TAFA1: variants seen among roughly 807,000 people sequenced by gnomAD.
The protein encoded by TAFA1 is TAFA chemokine like family member 1.
Under a neutral mutation model 18.5 loss-of-function variants are expected in TAFA1, and 4 were observed. That is an observed-to-expected ratio of 0.22 (90% confidence interval 0.11 to 0.49). The LOEUF is 0.49. Ranked by LOEUF, TAFA1 falls within the 20% of genes least tolerant of loss-of-function variation. The probability of loss-of-function intolerance (pLI) is 0.98; values close to 1 mark genes in which losing one functional copy is unlikely to be tolerated. For synonymous variants in TAFA1, 56 were observed against 55.2 expected (o/e 1.01, Z -0.06); for missense variants, 147 against 169.0 (o/e 0.87, Z 0.72).
chr3:68,122,015 G>A (rs867262808), intron 2 of TAFA1, among the ~76,000 whole-genome samples: 9 of 152,146 alleles, frequency 5.9e-5, no homozygotes, highest in African/African-American at 1.7e-4. Context: ...TAGGCCCTTC[G>A]TTGTATTGTT....
chr3:68,489,123 T>G (rs1205109209), intron 3 of TAFA1, among the ~76,000 whole-genome samples: 1 of 152,196 alleles, frequency 6.6e-6, no homozygotes, highest in Admixed American at 6.5e-5. Flanking sequence ...GAGTTGCAGT[T>G]TTTAACTCAT....
chr3:68,177,246 C>T (rs1462054473), intron 2 of TAFA1, among the ~76,000 whole-genome samples: 7 of 152,168 alleles, frequency 4.6e-5, no homozygotes, highest in Non-Finnish European at 8.8e-5. Context: ...CCAAGGCATG[C>T]TCCCTCGAAT....
chr3:68,429,142 T>C (rs2071115411), intron 3 of TAFA1, among the ~76,000 whole-genome samples: 1 of 151,884 alleles, frequency 6.6e-6, no homozygotes, highest in African/African-American at 2.4e-5. Context: ...CTTGGGCTCA[T>C]TCTGGATATT....
intron 2 of TAFA1, among the ~76,000 whole-genome samples, chr3:68,318,919 T>C (rs2068651179): frequency 6.6e-6 from 1 of 152,116 alleles, no homozygotes; most frequent in Admixed American, 6.6e-5. Context: ...AGAAACAGAA[T>C]TCATAACACT....
chr3:68,426,313 G>T (rs1489597344), intron 3 of TAFA1, among the ~76,000 whole-genome samples: 2 of 151,590 alleles, frequency 1.3e-5, no homozygotes, highest in Non-Finnish European at 2.9e-5. Context: ...ATTGCCAGAG[G>T]AAATTATCCT....
chr3:68,370,905 T>C (rs1203596544), intron 2 of TAFA1, among the ~76,000 whole-genome samples: 2 of 151,868 alleles, frequency 1.3e-5, no homozygotes, highest in African/African-American at 4.8e-5. Context: ...GAAGATATTT[T>C]GGGGTATAAT....
At chr3:68,002,639 T>C (rs956681611), upstream of TAFA1, among the ~76,000 whole-genome samples, 5 of 152,250 alleles carry the variant, frequency 3.3e-5, no homozygotes, top group African/African-American at 9.6e-5. Flanking sequence ...ACTATCTTAA[T>C]GTTAAAGAAA....
intron 2 of TAFA1, among the ~76,000 whole-genome samples, chr3:68,071,975 A>G (rs2064760824): frequency 6.6e-6 from 1 of 152,188 alleles, no homozygotes. Context: ...TTAGACATAA[A>G]ATTTGGGTAA....
At chr3:68,145,302 A>T (rs2065725046) in intron 2 of TAFA1, 3 of 790,746 alleles carry the variant, frequency 3.8e-6, no homozygotes, top group Non-Finnish European at 7.0e-6. Context: ...CAGTGGTCTG[A>T]GACAGTCCAG....
At chr3:68,116,308 C>T (rs1217665240) in intron 2 of TAFA1, among the ~76,000 whole-genome samples, 2 of 151,994 alleles carry the variant, frequency 1.3e-5, no homozygotes, top group African/African-American at 4.8e-5. Flanking sequence ...CTGAGAAATC[C>T]TTAAAGATTA....
intron 2 of TAFA1, among the ~76,000 whole-genome samples, chr3:68,211,307 C>G (rs1247414690): frequency 1.3e-5 from 2 of 152,036 alleles, no homozygotes; most frequent in Non-Finnish European, 2.9e-5. Context: ...TTTATACTTA[C>G]AAAGTGTATA....
intron 2 of TAFA1, among the ~76,000 whole-genome samples, chr3:68,221,583 C>A (rs957593933): frequency 2.0e-5 from 3 of 152,130 alleles, no homozygotes; most frequent in African/African-American, 7.2e-5. Context: ...CCTCCTCTTT[C>A]ACCCTCAAAC....
intron 2 of TAFA1, among the ~76,000 whole-genome samples, chr3:68,240,613 T>C (rs1340843572): frequency 1.3e-5 from 2 of 152,142 alleles, no homozygotes; most frequent in Non-Finnish European, 2.9e-5. Flanking sequence ...ACAGGAACCA[T>C]TCTGTGACAT....
chr3:68,149,253 C>A (rs941602327), intron 2 of TAFA1, among the ~76,000 whole-genome samples: 3 of 152,156 alleles, frequency 2.0e-5, no homozygotes, highest in African/African-American at 7.2e-5. Context: ...GTCAATTAAT[C>A]TTAATTAACT....
rs533738979 is a variant in TAFA1, at chr3:68,050,215, A to T, written c.118+43471A>T. ...GAATTACAGTAGGGAAGAAGAAAAA[A>T]CCATTGAAGGATGTATTAGTAAAGC... On this transcript the variant is annotated intron_variant, in intron 2 of 4. Transcript: ENST00000478136. 2.0e-5 allele frequency among the ~76,000 whole-genome samples: 3 copies of T among 152,240 alleles called. No homozygotes were observed. In the East Asian group the frequency reaches 5.8e-4, roughly 29 times the overall value.
intron 2 of TAFA1, among the ~76,000 whole-genome samples, chr3:68,373,654 T>C (rs1249134580): frequency 2.0e-5 from 3 of 152,204 alleles, no homozygotes; most frequent in Admixed American, 2.0e-4. Flanking sequence ...CAGCACGCTC[T>C]ACAAGTGTAA....
At chr3:68,229,171 G>C (rs1041916890) in intron 2 of TAFA1, among the ~76,000 whole-genome samples, 7 of 152,160 alleles carry the variant, frequency 4.6e-5, no homozygotes, top group Non-Finnish European at 8.8e-5. Context: ...TTTTGTGTTG[G>C]AGTAGATTTG....
intron 2 of TAFA1, among the ~76,000 whole-genome samples, chr3:68,015,273 T>A (rs1704546188): frequency 8.0e-6 from 1 of 125,282 alleles, no homozygotes; most frequent in Admixed American, 9.5e-5. Flanking sequence ...ATTAATTTTC[T>A]TTCTTTCTTT....
At chr3:68,427,074 A>G (rs985501577) in intron 3 of TAFA1, among the ~76,000 whole-genome samples, 3 of 151,822 alleles carry the variant, frequency 2.0e-5, no homozygotes, top group African/African-American at 7.2e-5. Context: ...GAGATAGGTC[A>G]TGGCACAGCA....
Sources: allele counts gnomAD v4.1 joint callset (sites outside exome capture counted in the v4.1 genomes callset), GRCh38; gene constraint gnomAD v4.1.1; transcripts MANE v1.5; gene names NCBI Gene and HGNC (gene_info 2026-07-23, HGNC 2026-07-21).